FCHSD2: variants seen among roughly 807,000 people sequenced by gnomAD.
FCHSD2 encodes the protein F-BAR and double SH3 domains protein 2.
FCHSD2 carries 38 observed loss-of-function variants against 108.1 expected under a neutral mutation model. The observed-to-expected ratio is 0.35, with a 90% confidence interval of 0.27 to 0.46. The LOEUF is 0.46. FCHSD2 is among the 20% of genes least tolerant of loss of function. The pLI, the probability that FCHSD2 is intolerant of heterozygous loss-of-function variation, is 1.00. For synonymous variants in FCHSD2, 279 were observed against 314.7 expected (o/e 0.89, Z 1.20); for missense variants, 751 against 897.8 (o/e 0.84, Z 2.09).
chr11:73,141,864 G>C lies in FCHSD2; in HGVS notation c.14C>G (p.Pro5Arg). 6.5e-7 allele frequency: 1 copy of C among 1,544,800 alleles called. No homozygotes were observed. Among genetic ancestry groups the C allele is most frequent in the Non-Finnish European group, 8.7e-7 (1 of 1,145,850 alleles). Residue 5 changes from proline (P) to arginine (R), a missense_variant, in exon 1 of 20, where the codon CCG (proline) becomes CGG (arginine). By Grantham distance (103) the Pro-to-Arg change is moderately radical. Transcript: ENST00000409418. The stretch of plus-strand genomic sequence containing the variant: ...CCCCAGCTGCGCCCTTACCTTCCTC[G>C]GCGGCGGCTGCATGATGCTGAAGGG... MQPP[P>R]RKVKVTQELK... is the part of the protein sequence containing the mutation.
chr11:73,131,001 T>C (rs11828012), intron 2 of FCHSD2, among the ~76,000 whole-genome samples: 37 of 152,258 alleles, frequency 2.4e-4, no homozygotes, highest in African/African-American at 8.2e-4. Flanking sequence ...AGAATACTAA[T>C]TGAGAAGCAA....
At chr11:73,045,007 T>C (rs1236857307) in intron 3 of FCHSD2, among the ~76,000 whole-genome samples, 1 of 150,362 alleles carries the variant, frequency 6.7e-6, no homozygotes, top group South Asian at 2.1e-4. Flanking sequence ...GAGGCGGAGG[T>C]TGCAGTGAGC....
intron 2 of FCHSD2, among the ~76,000 whole-genome samples, chr11:73,089,723 C>T (rs1159415342): frequency 6.6e-6 from 1 of 152,090 alleles, no homozygotes; most frequent in Non-Finnish European, 1.5e-5. Flanking sequence ...TACAAAGTGT[C>T]TAGAATAAGC....
chr11:73,005,902 C>CTTTTTT (rs56872243), intron 4 of FCHSD2, among the ~76,000 whole-genome samples: 1 of 125,664 alleles, frequency 8.0e-6, no homozygotes, highest in South Asian at 2.6e-4. Context: ...TATTCCTAAA[C>CTTTTTT]TTTTTTTTTT....
chr11:73,094,951 A>G (rs1258773957), intron 2 of FCHSD2, among the ~76,000 whole-genome samples: 1 of 152,226 alleles, frequency 6.6e-6, no homozygotes, highest in Non-Finnish European at 1.5e-5. Flanking sequence ...CTAATAAAAA[A>G]TATTAATTCT....
chr11:73,053,810 T>C (rs1045727773), intron 3 of FCHSD2, among the ~76,000 whole-genome samples: 1 of 152,238 alleles, frequency 6.6e-6, no homozygotes, highest in African/African-American at 2.4e-5. Context: ...TAATAGAAGA[T>C]ATCTTCAAGT....
At chr11:72,987,998 TTCATGAATACTCACTTACCAGCCCTTGA>T (rs1163555647) in intron 6 of FCHSD2, among the ~76,000 whole-genome samples, 1 of 152,226 alleles carries the variant, frequency 6.6e-6, no homozygotes, top group Non-Finnish European at 1.5e-5. Flanking sequence ...CATCAAGTCC[TTCATGAATACTCACTTACCAGCCCTTGA>T]TAAACCGCGG....
intron 3 of FCHSD2, among the ~76,000 whole-genome samples, chr11:73,068,914 C>G (rs1042778296): frequency 2.7e-5 from 4 of 150,112 alleles, no homozygotes; most frequent in Non-Finnish European, 1.5e-5. Context: ...ACTTGGGAGG[C>G]TGAGGTAGGA....
At chr11:73,085,189 C>T (rs1445506211) in intron 2 of FCHSD2, among the ~76,000 whole-genome samples, 2 of 152,042 alleles carry the variant, frequency 1.3e-5, no homozygotes, top group Non-Finnish European at 2.9e-5. Context: ...AAGAGTGCTT[C>T]AAATGGCCAA....
At position 73,028,206 on chromosome 11, in the gene FCHSD2, C is replaced by G. The variant is rs181421111; in HGVS notation, c.166-12321G>C. 2.0e-5 allele frequency among the ~76,000 whole-genome samples: 3 copies of G among 152,232 alleles called. No individual in the cohort carries two copies. The East Asian group carries it at 5.8e-4, about 29-fold the overall frequency. ...AAAAGCCGCAGGCACTCAATGGCAGCCTGTGAAAGTAGCTGCAGGTGCTGT... is the reference window on the plus strand; with the variant it reads ...AAAAGCCGCAGGCACTCAATGGCAGGCTGTGAAAGTAGCTGCAGGTGCTGT... On this transcript the variant is annotated intron_variant, in intron 3 of 19. Coordinates refer to ENST00000409418, the MANE Select transcript of FCHSD2 (RefSeq NM_014824.3).
chr11:73,026,738 G>A (rs904731998), intron 3 of FCHSD2, among the ~76,000 whole-genome samples: 1 of 152,064 alleles, frequency 6.6e-6, no homozygotes, highest in African/African-American at 2.4e-5. Context: ...TGTCAGAGGA[G>A]GGACCTGCTA....
intron 5 of FCHSD2, among the ~76,000 whole-genome samples, chr11:72,989,628 C>G (rs1400038512): frequency 6.6e-6 from 1 of 152,130 alleles, no homozygotes; most frequent in Non-Finnish European, 1.5e-5. Context: ...AATTATTACT[C>G]AAAACCATCC....
intron 13 of FCHSD2, among the ~76,000 whole-genome samples, chr11:72,854,761 G>A (rs931597666): frequency 3.3e-5 from 5 of 152,210 alleles, no homozygotes; most frequent in Non-Finnish European, 7.3e-5. Context: ...GAGACAGAAA[G>A]CAGAATGGTG....
chr11:72,900,463 GAA>G (rs2135270331), intron 10 of FCHSD2: 2 of 614,562 alleles, frequency 3.3e-6, no homozygotes, highest in Non-Finnish European at 5.8e-6. Flanking sequence ...GTTGGGCTGG[GAA>G]AAAGTGAGAT....
rs1565339614 is a variant in FCHSD2, at chr11:72,954,196, A to AATTTTTTTTTTTTTTTTTTTTTTTT, written c.705+29891_705+29892insAAAAAAAAAAAAAAAAAAAAAAAAT. On this transcript the variant is annotated intron_variant, in intron 8 of 19. Coordinates refer to ENST00000409418, the MANE Select transcript of FCHSD2 (RefSeq NM_014824.3). ...TAGAATATTAGCAGTAGATGTGGGG[A>AATTTTTTTTTTTTTTTTTTTTTTTT]TTTTTTTTTTTTTTTTTTTTTTTTT... is the stretch of plus-strand genomic sequence containing the variant. Among the ~76,000 whole-genome samples the AATTTTTTTTTTTTTTTTTTTTTTTT allele has an allele frequency of 1.8e-5, 2 of 111,702 alleles. 1 individual carries two copies. 73.3% of individuals were successfully genotyped at this position (111,702 alleles called of 152,430 possible).
intron 5 of FCHSD2, among the ~76,000 whole-genome samples, chr11:72,997,286 G>C (rs1000434153): frequency 2.6e-5 from 4 of 152,138 alleles, no homozygotes; most frequent in African/African-American, 9.7e-5. Context: ...TATATTTTCA[G>C]TTAAAACTCT....
intron 3 of FCHSD2, among the ~76,000 whole-genome samples, chr11:73,078,655 G>A (rs1464740411): frequency 1.3e-5 from 2 of 151,784 alleles, no homozygotes; most frequent in East Asian, 3.9e-4. Context: ...AAAAAGTACT[G>A]GTTGCCATTG....
intron 2 of FCHSD2, among the ~76,000 whole-genome samples, chr11:73,108,057 T>A (rs142951785): frequency 5.8e-4 from 89 of 152,338 alleles, no homozygotes; most frequent in Non-Finnish European, 1.0e-3. Context: ...TCCCCTTTTC[T>A]CCACATCCTT....
In FCHSD2 at chr11:73,083,722, C is replaced by T. The variant is rs997850850; in HGVS notation, c.138G>A (p.Lys46=). The stretch of plus-strand genomic sequence containing the variant: ...GTGCATACTCTCTTTCAATAGCAGC[C>T]TTCTTCTGACTGAATGTCCTAAAAA... ...LEDMRTFSQK[K]AAIEREYAQG... The change falls in exon 3 of 20, where the codon AAG becomes AAA. Residue 46 remains lysine (K), a synonymous_variant. Transcript: ENST00000409418. 8 of 1,544,858 alleles carry T rather than the reference C, an allele frequency of 5.2e-6. No individual in the cohort carries two copies. The highest frequency in any genetic ancestry group is 3.5e-6 in the Non-Finnish European group (4 of 1,140,914).
Sources: allele counts gnomAD v4.1 joint callset (sites outside exome capture counted in the v4.1 genomes callset), GRCh38; gene constraint gnomAD v4.1.1; transcripts MANE v1.5; gene names NCBI Gene and HGNC (gene_info 2026-07-23, HGNC 2026-07-21).